The following ZNF532 variants were observed in gnomAD, a reference collection of about 807,000 sequenced individuals.
ZNF532 encodes zinc finger protein 532.
Under a neutral mutation model 89.3 loss-of-function variants are expected in ZNF532, and 22 were observed. The observed-to-expected ratio is 0.25, with a 90% CI of 0.18 to 0.35. The LOEUF (loss-of-function observed/expected upper bound fraction) is 0.35. ZNF532 is among the 10% of genes least tolerant of loss of function. The probability of loss-of-function intolerance (pLI) is 1.00; values close to 1 mark genes in which losing one functional copy is unlikely to be tolerated. For missense variants in ZNF532, 1,132 were observed against 1,643.4 expected, an observed-to-expected ratio of 0.69 and a Z score of 5.38; for synonymous variants, 606 against 649.6, an observed-to-expected ratio of 0.93 and a Z score of 1.02.
chr18:58,935,607 T>C (rs2062407657), intron 4 of ZNF532, among the ~76,000 whole-genome samples: 1 of 148,282 alleles, frequency 6.7e-6, no homozygotes, highest in South Asian at 2.2e-4. Flanking sequence ...ATGTGCATTG[T>C]ACAACATCTG....
intron 2 of ZNF532, among the ~76,000 whole-genome samples, chr18:58,866,320 C>G (rs568920885): frequency 6.6e-6 from 1 of 152,110 alleles, no homozygotes; most frequent in Non-Finnish European, 1.5e-5. Flanking sequence ...CCTTCCAAAA[C>G]CAGAGGTTGG....
chr18:58,942,370 C>T (rs1444728983), intron 5 of ZNF532, among the ~76,000 whole-genome samples: 1 of 121,600 alleles, frequency 8.2e-6, no homozygotes, highest in Admixed American at 8.6e-5. Flanking sequence ...TTCCTTCCTT[C>T]CTTCCTTCCT....
intron 2 of ZNF532, among the ~76,000 whole-genome samples, chr18:58,880,175 T>G (rs1357610470): frequency 6.6e-6 from 1 of 152,224 alleles, no homozygotes; most frequent in Non-Finnish European, 1.5e-5. Context: ...TGAGCATAGC[T>G]GTCTGGCTCG....
chr18:58,978,104 G>A (rs1341843322), intron 7 of ZNF532, among the ~76,000 whole-genome samples: 1 of 152,148 alleles, frequency 6.6e-6, no homozygotes, highest in Non-Finnish European at 1.5e-5. Context: ...AATATATTCA[G>A]TTAACATAAT....
At chr18:58,960,066 G>A (rs1028230580) in intron 7 of ZNF532, among the ~76,000 whole-genome samples, 1 of 152,182 alleles carries the variant, frequency 6.6e-6, no homozygotes, top group African/African-American at 2.4e-5. Flanking sequence ...AGCCTCCTAA[G>A]TAGCTGGGAT....
rs71336307 is a variant in ZNF532, at chr18:58,939,246, C to CAAAAAAAAAAAAAA, written c.2529-183_2529-170dup. 4.6e-3 allele frequency among the ~76,000 whole-genome samples: 158 copies of CAAAAAAAAAAAAAA among 34,508 alleles called. 13 individuals carry two copies. The highest frequency in any genetic ancestry group is 6.7e-3 in the Non-Finnish European group (106 of 15,874). 22.6% of individuals were successfully genotyped at this position (34,508 alleles called of 152,430 possible). ...TGGGCGACAGAGCGAGACGTTGTCT[C>CAAAAAAAAAAAAAA]AAAAAAAAAAAAAAAAAAAAAAAAA... On this transcript the variant is annotated intron_variant, in intron 4 of 9. Coordinates refer to ENST00000591808, the MANE Select transcript of ZNF532 (RefSeq NM_001375912.1).
chr18:58,898,714 TTC>T (rs2059404826), intron 2 of ZNF532, among the ~76,000 whole-genome samples: 1 of 152,196 alleles, frequency 6.6e-6, no homozygotes, highest in Non-Finnish European at 1.5e-5. Context: ...CACACCTTGA[TTC>T]TCTGATTTCC....
chr18:58,874,369 A>G (rs2057258767), intron 2 of ZNF532, among the ~76,000 whole-genome samples: 1 of 152,032 alleles, frequency 6.6e-6, no homozygotes, highest in South Asian at 2.1e-4. Flanking sequence ...TTTGAGAGAT[A>G]GTTTTGCTCT....
chr18:58,887,851 C>T (rs943388744), intron 2 of ZNF532, among the ~76,000 whole-genome samples: 11 of 152,208 alleles, frequency 7.2e-5, no homozygotes, highest in East Asian at 5.8e-4. Flanking sequence ...CTGAGGCAGC[C>T]GGGCTTTGTG....
rs187021689 is a variant in ZNF532 at position 58,909,210 on chromosome 18, C to G, written c.-17-9061C>G. On this transcript the variant is annotated intron_variant, in intron 2 of 9. Transcript: ENST00000591808. The stretch of plus-strand genomic sequence containing the variant: ...TCAGGTGATCCGCCCACCTCAGCCT[C>G]CCAAAGTGTTGGGATTATAGGCGTG... 2.3e-3 allele frequency among the ~76,000 whole-genome samples: 356 copies of G among 152,278 alleles called. 1 individual carries two copies. The highest frequency in any genetic ancestry group is 4.0e-3 in the Non-Finnish European group (271 of 68,016).
chr18:58,889,611 C>T (rs1254188558), intron 2 of ZNF532, among the ~76,000 whole-genome samples: 3 of 151,140 alleles, frequency 2.0e-5, no homozygotes, highest in Non-Finnish European at 4.4e-5. Context: ...ACCAGCCTGG[C>T]CAATATGGTG....
chr18:58,967,577 C>T (rs1356915589), intron 7 of ZNF532, among the ~76,000 whole-genome samples: 2 of 152,206 alleles, frequency 1.3e-5, no homozygotes, highest in Non-Finnish European at 2.9e-5. Context: ...GTGGCCGCCT[C>T]CACCATACTT....
chr18:58,886,284 T>C (rs2058299537), intron 2 of ZNF532, among the ~76,000 whole-genome samples: 1 of 152,186 alleles, frequency 6.6e-6, no homozygotes, highest in South Asian at 2.1e-4. Flanking sequence ...CCTGGTCCTT[T>C]CATTCAATTT....
In ZNF532 at chr18:58,918,151, T is replaced by C. The variant is rs2060740618; in HGVS notation, c.-17-120T>C. ...CTCAGAGTTTCGTAGTTACCGTAAATGCAGTTACCTCCTTGCTCTTTCTTA... is the reference window on the plus strand; with the variant it reads ...CTCAGAGTTTCGTAGTTACCGTAAACGCAGTTACCTCCTTGCTCTTTCTTA... On this transcript the variant is annotated intron_variant, in intron 2 of 9. Coordinates refer to ENST00000591808, the MANE Select transcript of ZNF532 (RefSeq NM_001375912.1). 1.0e-5 allele frequency: 9 copies of C among 879,938 alleles called. No individual in the cohort carries two copies. The South Asian group carries it at 1.3e-4, about 12-fold the overall frequency. 54.5% of individuals were successfully genotyped at this position (879,938 alleles called of 1,614,324 possible).
chr18:58,874,198 C>T (rs1029207066), intron 2 of ZNF532, among the ~76,000 whole-genome samples: 6 of 151,982 alleles, frequency 3.9e-5, no homozygotes, highest in Non-Finnish European at 7.4e-5. Flanking sequence ...TCCTCCTTGT[C>T]GCTAGAGTTT....
chr18:58,916,896 A>T (rs1264615669), intron 2 of ZNF532, among the ~76,000 whole-genome samples: 2 of 152,188 alleles, frequency 1.3e-5, no homozygotes, highest in Non-Finnish European at 2.9e-5. Flanking sequence ...AAAAAAAATC[A>T]AGTGCTTCAG....
chr18:58,874,769 A>G (rs1362641787), intron 2 of ZNF532, among the ~76,000 whole-genome samples: 4 of 152,150 alleles, frequency 2.6e-5, no homozygotes, highest in Non-Finnish European at 1.5e-5. Flanking sequence ...ACAAAACAAA[A>G]CTTGATGGTG....
intron 2 of ZNF532, chr18:58,916,806 C>T (rs1486855041): frequency 2.3e-5 from 19 of 819,206 alleles, no homozygotes; most frequent in African/African-American, 3.7e-5. Context: ...TGTGTATTCT[C>T]ACTGAGTAGA....
chr18:58,880,751 GGCGCGCGCGCACGC>G (rs1191074840), intron 2 of ZNF532, among the ~76,000 whole-genome samples: 13 of 80,244 alleles, frequency 1.6e-4, no homozygotes, highest in Non-Finnish European at 1.7e-4. Context: ...CCCTCTCATA[GGCGCGCGCGCACGC>G]GCGCGCGTCT....
Sources: gnomAD v4.1 joint callset for allele counts (sites outside exome capture counted in the v4.1 genomes callset) on GRCh38, gnomAD v4.1.1 for gene constraint, MANE v1.5 for transcripts, NCBI Gene and HGNC (gene_info 2026-07-23, HGNC 2026-07-21) for gene names.